The following PSD3 variants were observed in gnomAD, a reference collection of about 807,000 sequenced individuals.
The protein encoded by PSD3 is pleckstrin and Sec7 domain containing 3.
In PSD3, 49 loss-of-function variants were observed where a neutral mutation model predicts 105.5. The observed-to-expected ratio is 0.46, with a 90% confidence interval of 0.37 to 0.59. The LOEUF (loss-of-function observed/expected upper bound fraction) is 0.59, where lower values mean the gene tolerates loss of function less well. Ranked by LOEUF, PSD3 falls within the 20% of genes least tolerant of loss-of-function variation. The probability of loss-of-function intolerance (pLI) is 0.00; values close to 1 mark genes in which losing one functional copy is unlikely to be tolerated. For synonymous variants in PSD3, 557 were observed against 457.8 expected (o/e 1.22, Z -2.77); for missense variants, 1,561 against 1,263.8 (o/e 1.24, Z -3.57).
At chr8:18,917,398 C>T (rs539745635) in intron 2 of PSD3, among the ~76,000 whole-genome samples, 31 of 152,206 alleles carry the variant, frequency 2.0e-4, no homozygotes, top group Non-Finnish European at 2.8e-4. Context: ...GATCATGGCA[C>T]GACACAGGGG....
intron 9 of PSD3, among the ~76,000 whole-genome samples, chr8:18,708,447 A>T (rs928397393): frequency 1.3e-5 from 2 of 152,006 alleles, no homozygotes; most frequent in Non-Finnish European, 2.9e-5. Context: ...AAAATTAGAA[A>T]ATTTTTTTTT....
rs1319406927 is a variant in PSD3, at chr8:18,528,941, C to G, written c.*6802G>C. 6.6e-6 allele frequency: 1 copy of G among 152,328 alleles called. No individual in the cohort carries two copies. The highest frequency in any genetic ancestry group is 1.5e-5 in the Non-Finnish European group (1 of 68,046). The allele number at this position is 152,328 out of a possible 1,614,324, so 9.4% of individuals were successfully genotyped here. ...CTGTTGTTGCTGATGGAAAAGTGCT[C>G]AACTGCTCAGCATGTTCAGTCGGAG... On this transcript the variant is annotated 3_prime_UTR_variant, in exon 16 of 16. Coordinates refer to ENST00000327040, the MANE Select transcript of PSD3 (RefSeq NM_015310.4).
At chr8:18,572,313 C>T (rs1007177434) in intron 14 of PSD3, among the ~76,000 whole-genome samples, 26 of 152,136 alleles carry the variant, frequency 1.7e-4, no homozygotes, top group Admixed American at 1.4e-3. Context: ...AATCAAAGTA[C>T]GTGTCCTACT....
chr8:18,635,856 G>A (rs1055487939), intron 10 of PSD3, among the ~76,000 whole-genome samples: 2 of 151,544 alleles, frequency 1.3e-5, no homozygotes, highest in Non-Finnish European at 2.9e-5. Flanking sequence ...GACACAAGGA[G>A]GGGAACATCA....
chr8:18,656,894 A>G (rs13263980), intron 9 of PSD3, among the ~76,000 whole-genome samples: 20 of 152,306 alleles, frequency 1.3e-4, no homozygotes, highest in African/African-American at 4.1e-4. Context: ...TTTACCTTTG[A>G]ATTTTAAGTA....
intron 12 of PSD3, among the ~76,000 whole-genome samples, chr8:18,575,849 G>C (rs1802432015): frequency 6.6e-6 from 1 of 151,988 alleles, no homozygotes; most frequent in African/African-American, 2.4e-5. Flanking sequence ...AAAGAAAAGA[G>C]GAAAATCAAT....
rs1235629406 is a variant in PSD3 at position 18,569,680 on chromosome 8, G to A, written c.2784+2848C>T. 4.6e-4 allele frequency among the ~76,000 whole-genome samples: 8 copies of A among 17,492 alleles called. 4 individuals carry two copies. Among genetic ancestry groups the A allele is most frequent in the African/African-American group, 8.6e-4 (8 of 9,330 alleles). The allele number at this position is 17,492 out of a possible 152,430, so 11.5% of individuals were successfully genotyped here. On this transcript the variant is annotated intron_variant, in intron 14 of 15. Coordinates refer to ENST00000327040, the MANE Select transcript of PSD3 (RefSeq NM_015310.4). The stretch of plus-strand genomic sequence containing the variant: ...CACATTGTGCAGGTTACTTACATAC[G>A]TATACATGTGCCATGCTGGTGCGCT...
chr8:18,767,919 C>G (rs1489580786), intron 8 of PSD3, among the ~76,000 whole-genome samples: 1 of 151,828 alleles, frequency 6.6e-6, no homozygotes, highest in Non-Finnish European at 1.5e-5. Context: ...AAAGTGAATT[C>G]ATTTGAATAC....
chr8:18,642,653 C>G (rs980041535), intron 10 of PSD3, among the ~76,000 whole-genome samples: 2 of 152,152 alleles, frequency 1.3e-5, no homozygotes, highest in Non-Finnish European at 2.9e-5. Flanking sequence ...GCTCACCAAC[C>G]TGTCTGCTCT....
chr8:18,801,701 G>A (rs1586049556), intron 6 of PSD3, among the ~76,000 whole-genome samples: 1 of 152,100 alleles, frequency 6.6e-6, no homozygotes, highest in East Asian at 1.9e-4. Flanking sequence ...ATGGTGGTGG[G>A]CGCCTGTAAT....
chr8:18,551,258 T>C (rs913632971), intron 15 of PSD3, among the ~76,000 whole-genome samples: 1 of 152,116 alleles, frequency 6.6e-6, no homozygotes, highest in Non-Finnish European at 1.5e-5. Context: ...CAGAAAGTGT[T>C]CTCCAAAGGA....
At chr8:18,707,749 G>A (rs1440558813) in intron 9 of PSD3, among the ~76,000 whole-genome samples, 1 of 152,128 alleles carries the variant, frequency 6.6e-6, no homozygotes, top group Non-Finnish European at 1.5e-5. Context: ...AGTAAGCTAG[G>A]AAGAAATTCT....
At chr8:18,710,445 C>T (rs1425460516) in intron 9 of PSD3, among the ~76,000 whole-genome samples, 1 of 152,178 alleles carries the variant, frequency 6.6e-6, no homozygotes, top group African/African-American at 2.4e-5. Flanking sequence ...AGGAGAACTT[C>T]CCCAACCTAG....
At chr8:19,053,610 G>T (rs559202495) in intron 1 of PSD3, among the ~76,000 whole-genome samples, 16 of 152,128 alleles carry the variant, frequency 1.1e-4, no homozygotes, top group African/African-American at 3.9e-4. Flanking sequence ...ACCAACATGA[G>T]GAAACCCCGT....
chr8:18,940,590 G>C (rs972456867), intron 1 of PSD3: 1 of 152,164 alleles, frequency 6.6e-6, no homozygotes, highest in African/African-American at 2.4e-5. Context: ...CATTTGTGTG[G>C]AGGCTAAAGT....
intron 9 of PSD3, among the ~76,000 whole-genome samples, chr8:18,673,044 C>T (rs1052350158): frequency 7.9e-5 from 12 of 152,234 alleles, no homozygotes; most frequent in African/African-American, 2.4e-4. Flanking sequence ...GTATGTAATA[C>T]AAATAATCTT....
At chr8:18,775,760 T>C (rs1808001173) in intron 8 of PSD3, among the ~76,000 whole-genome samples, 1 of 152,226 alleles carries the variant, frequency 6.6e-6, no homozygotes, top group African/African-American at 2.4e-5. Context: ...CAAAAATATC[T>C]TCTACCATTC....
At chr8:18,622,105 G>A (rs766284572) in intron 11 of PSD3, among the ~76,000 whole-genome samples, 3 of 152,162 alleles carry the variant, frequency 2.0e-5, no homozygotes, top group Non-Finnish European at 4.4e-5. Context: ...TATTTACAAT[G>A]AGATTGAAAA....
At chr8:18,599,707 G>T (rs1188852089) in intron 12 of PSD3, among the ~76,000 whole-genome samples, 1 of 152,018 alleles carries the variant, frequency 6.6e-6, no homozygotes, top group Non-Finnish European at 1.5e-5. Flanking sequence ...TGGCACTTGT[G>T]GGGCGTGAAA....
Sources: allele counts gnomAD v4.1 joint callset (sites outside exome capture counted in the v4.1 genomes callset), GRCh38; gene constraint gnomAD v4.1.1; transcripts MANE v1.5; gene names NCBI Gene and HGNC (gene_info 2026-07-23, HGNC 2026-07-21).